Variants in IQCH observed in about 807,000 individuals in gnomAD.
The protein encoded by IQCH is IQ motif containing H.
In IQCH, 98 loss-of-function variants were observed where a neutral mutation model predicts 117.0. The ratio of observed to expected loss-of-function variants is 0.84; its 90% CI spans 0.71 to 0.99. The LOEUF is 0.99. Among genes scored for constraint, IQCH ranks in the 50% least tolerant of loss-of-function variants. IQCH has a pLI of 0.00. For missense variants in IQCH, 1,102 were observed against 1,243.8 expected (o/e 0.89, Z 1.72); for synonymous variants, 412 against 448.2 (o/e 0.92, Z 1.02).
At chr15:67,290,891 G>C (rs1400830065) in intron 4 of IQCH, among the ~76,000 whole-genome samples, 1 of 152,110 alleles carries the variant, frequency 6.6e-6, no homozygotes, top group African/African-American at 2.4e-5. Context: ...GAGCCTTGGG[G>C]AATGCAGAGA....
chr15:67,402,602 A>G lies in IQCH; in HGVS notation c.2097+2297A>G, dbSNP rs189633825. On this transcript the variant is annotated intron_variant, in intron 14 of 20. Transcript: ENST00000335894. The stretch of plus-strand genomic sequence containing the variant: ...TGATAATGAAGATGTTGTGTCATCA[A>G]GCCTAGCCTGGCACATACAAAACAT... 7.9e-4 allele frequency among the ~76,000 whole-genome samples: 120 copies of G among 152,340 alleles called. 6 individuals carry two copies. The highest frequency in any genetic ancestry group is 6.8e-3 in the Middle Eastern group (2 of 294).
At chr15:67,268,856 G>A (rs1003643102) in intron 3 of IQCH, among the ~76,000 whole-genome samples, 7 of 152,070 alleles carry the variant, frequency 4.6e-5, no homozygotes, top group Non-Finnish European at 7.4e-5. Context: ...AGGGGCATTC[G>A]CATGCTCACT....
chr15:67,451,123 T>C (rs962074562), intron 16 of IQCH, among the ~76,000 whole-genome samples: 4 of 152,220 alleles, frequency 2.6e-5, no homozygotes, highest in African/African-American at 9.6e-5. Context: ...TCTTCTTCTT[T>C]ATTAGTCTTG....
chr15:67,480,287 C>T (rs1284990385), intron 18 of IQCH, among the ~76,000 whole-genome samples: 1 of 152,204 alleles, frequency 6.6e-6, no homozygotes, highest in East Asian at 1.9e-4. Flanking sequence ...GGCATGGCCA[C>T]ATAACTTGCT....
At chr15:67,323,607 A>G (rs1215699537) in intron 4 of IQCH, among the ~76,000 whole-genome samples, 1 of 151,998 alleles carries the variant, frequency 6.6e-6, no homozygotes, top group Non-Finnish European at 1.5e-5. Flanking sequence ...TTTAAACTAT[A>G]CCTCTTCATA....
rs192696290 is a variant in IQCH, at chr15:67,442,738, A to T, written c.2505+21161A>T. Among the ~76,000 whole-genome samples, 36 of 152,236 alleles carry T rather than the reference A, an allele frequency of 2.4e-4. No individual in the cohort carries two copies. In the East Asian group the frequency reaches 6.6e-3, roughly 28 times the overall value. On this transcript the variant is annotated intron_variant, in intron 16 of 20. Coordinates refer to ENST00000335894, the MANE Select transcript of IQCH (RefSeq NM_001031715.3). The stretch of plus-strand genomic sequence containing the variant: ...AAGAGATACTTGCACATGCATATTT[A>T]TAGCAGCACAATTCACAATTGCAAA...
intron 4 of IQCH, among the ~76,000 whole-genome samples, chr15:67,280,637 C>G (rs185902088): frequency 4.6e-5 from 7 of 152,076 alleles, no homozygotes; most frequent in African/African-American, 1.7e-4. Context: ...AAAACCTCAC[C>G]TGCTAATACC....
Position 67,373,396 on chromosome 15 carries a change from G to A in IQCH, c.1335G>A (p.Arg445=), listed in dbSNP as rs750156139. The change falls in exon 10 of 21, where the codon AGG becomes AGA. Residue 445 remains arginine (R), a synonymous_variant. Transcript: ENST00000335894. ...KHLAANWNRI[R]TSRRTIIHIP... ...TGGCAGCCAACTGGAATCGCATCAG[G>A]ACCTCCAGGAGGACTATTATCCATA... The A allele has an allele frequency of 9.9e-6, 16 of 1,612,790 alleles. No individual in the cohort carries two copies. The highest frequency in any genetic ancestry group is 1.3e-5 in the Non-Finnish European group (15 of 1,179,126).
chr15:67,422,923 C>T lies in IQCH; in HGVS notation c.2505+1346C>T, dbSNP rs1243841227. Among the ~76,000 whole-genome samples the T allele has an allele frequency of 6.6e-6, 1 of 152,216 alleles. No individual in the cohort carries two copies. The highest frequency in any genetic ancestry group is 1.5e-5 in the Non-Finnish European group (1 of 68,040). Reference sequence around the variant, plus strand: ...CTTCCTCTCTCGATATCGCGATATCCTCTGGTCATCCGCATTGTACATATA... The same window carrying T: ...CTTCCTCTCTCGATATCGCGATATCTTCTGGTCATCCGCATTGTACATATA... On this transcript the variant is annotated intron_variant, in intron 16 of 20. Transcript: ENST00000335894. The surrounding 1 kb of genome is among the most constrained non-coding windows in gnomAD (Gnocchi z 4.7).
chr15:67,264,599 GAA>G (rs1965592447), intron 3 of IQCH, among the ~76,000 whole-genome samples: 1 of 152,110 alleles, frequency 6.6e-6, no homozygotes. Flanking sequence ...CCAGAGAGTG[GAA>G]AAGAGTGCCC....
intron 1 of IQCH, chr15:67,255,183 C>G: frequency 1.7e-6 from 1 of 582,034 alleles, no homozygotes; most frequent in Non-Finnish European, 3.1e-6. Flanking sequence ...TCTGGGAAAA[C>G]TCTAAAACCG....
In IQCH at chr15:67,490,537, A is replaced by G. The variant is rs183809434; in HGVS notation, c.2861+473A>G. 1.0e-3 allele frequency among the ~76,000 whole-genome samples: 159 copies of G among 152,268 alleles called. No homozygotes were observed. The highest frequency in any genetic ancestry group is 3.2e-3 in the African/African-American group (134 of 41,548). On this transcript the variant is annotated intron_variant, in intron 19 of 20. Transcript: ENST00000335894. The surrounding 1 kb of genome is among the most constrained non-coding windows in gnomAD (Gnocchi z 4.9). ...TTATAAAATGACTTTAGATGTGTCA[A>G]TGGGGGTTTATAAATATAATTGATT...
chr15:67,283,786 A>G lies in IQCH; in HGVS notation c.387+4274A>G, dbSNP rs145742041. ...TATATCTCTTGTTTATTATGTTCCTATCATACTACCACATACTCCCAGTAG... is the reference window on the plus strand; with the variant it reads ...TATATCTCTTGTTTATTATGTTCCTGTCATACTACCACATACTCCCAGTAG... On this transcript the variant is annotated intron_variant, in intron 4 of 20. Coordinates refer to ENST00000335894, the MANE Select transcript of IQCH (RefSeq NM_001031715.3). Among the ~76,000 whole-genome samples the G allele has an allele frequency of 8.7e-3, 1,325 of 152,284 alleles. 17 individuals carry two copies. The highest frequency in any genetic ancestry group is 0.029 in the African/African-American group (1,199 of 41,580).
chr15:67,331,615 C>T (rs1968670490), intron 4 of IQCH, among the ~76,000 whole-genome samples: 1 of 152,022 alleles, frequency 6.6e-6, no homozygotes. Context: ...GAAAGAAATC[C>T]AAAAATATAA....
chr15:67,406,694 G>T lies in IQCH; in HGVS notation c.2097+6389G>T, dbSNP rs914174020. ...TAACTAAGAGGTAGTTTGGCTTCCT[G>T]GGGTTCCATAGCCAGGGACACCTAG... On this transcript the variant is annotated intron_variant, in intron 14 of 20. Coordinates refer to ENST00000335894, the MANE Select transcript of IQCH (RefSeq NM_001031715.3). The surrounding 1 kb of genome is among the most constrained non-coding windows in gnomAD (Gnocchi z 4.5). 1 of 152,150 alleles carries T rather than the reference G, an allele frequency of 6.6e-6. No individual in the cohort carries two copies. Among genetic ancestry groups the T allele is most frequent in the Non-Finnish European group, 1.5e-5 (1 of 68,028 alleles). The allele number at this position is 152,150 out of a possible 1,614,324, so 9.4% of individuals were successfully genotyped here. A position where few individuals can be genotyped will look rare whatever the true frequency, so the allele number is the denominator to read the frequency against.
At chr15:67,280,985 A>G (rs1392256069) in intron 4 of IQCH, among the ~76,000 whole-genome samples, 3 of 151,888 alleles carry the variant, frequency 2.0e-5, no homozygotes, top group Non-Finnish European at 4.4e-5. Flanking sequence ...AGTTGGGATT[A>G]TAGGCACCCA....
Position 67,473,367 on chromosome 15 carries a change from T to C in IQCH, c.2677-2329T>C, listed in dbSNP as rs1478600593. Among the ~76,000 whole-genome samples, 1 of 152,166 alleles carries C rather than the reference T, an allele frequency of 6.6e-6. No individual in the cohort carries two copies. The highest frequency in any genetic ancestry group is 1.5e-5 in the Non-Finnish European group (1 of 68,024). ...CTGGGCCAGAACTTCTCCAAGCCAGTTCTTTTTACCCCACCAATTATTCCT... is the reference window on the plus strand; with the variant it reads ...CTGGGCCAGAACTTCTCCAAGCCAGCTCTTTTTACCCCACCAATTATTCCT... On this transcript the variant is annotated intron_variant, in intron 17 of 20. Transcript: ENST00000335894. The surrounding 1 kb of genome is among the most constrained non-coding windows in gnomAD (Gnocchi z 4.9).
At chr15:67,299,483 G>A (rs1178881123) in intron 4 of IQCH, among the ~76,000 whole-genome samples, 1 of 151,896 alleles carries the variant, frequency 6.6e-6, no homozygotes, top group Non-Finnish European at 1.5e-5. Flanking sequence ...TGAGGTGATG[G>A]ATATCCCATT....
chr15:67,351,175 A>C (rs1215365764), intron 6 of IQCH, among the ~76,000 whole-genome samples: 1 of 152,132 alleles, frequency 6.6e-6, no homozygotes, highest in Non-Finnish European at 1.5e-5. Context: ...TGCACCTATC[A>C]ACCCATCATT....
Sources: gnomAD v4.1 joint callset for allele counts (sites outside exome capture counted in the v4.1 genomes callset) on GRCh38, gnomAD v4.1.1 for gene constraint, Gnocchi (gnomAD v3.1) non-coding constraint, MANE v1.5 for transcripts, NCBI Gene and HGNC (gene_info 2026-07-23, HGNC 2026-07-21) for gene names.